AGBL1: variants seen among roughly 807,000 people sequenced by gnomAD.
AGBL1 encodes the protein cytosolic carboxypeptidase 4.
A neutral mutation model predicts 118.9 loss-of-function variants in AGBL1; 130 were observed. The observed-to-expected ratio is 1.09, with a 90% CI of 0.95 to 1.26. The LOEUF is 1.26. Among genes scored for constraint, AGBL1 ranks in the 50% most tolerant of loss-of-function variants. The probability of loss-of-function intolerance (pLI) is 0.00; values close to 1 mark genes in which losing one functional copy is unlikely to be tolerated. For missense variants in AGBL1, 1,584 were observed against 1,298.1 expected (o/e 1.22, Z -3.38); for synonymous variants, 555 against 478.9 (o/e 1.16, Z -2.08).
At position 86,266,456 on chromosome 15, in the gene AGBL1, TGGTA is replaced by T; in HGVS notation, c.1751+5_1751+8del. ...AGTTGTCTTCAGTTTAGATGAGCCT[TGGTA>T]GGTAGTCTCGTGCATCTGAGGAAGG... On this transcript the variant is annotated splice_donor_variant and splice_donor_region_variant and coding_sequence_variant and intron_variant, in exon 12 of 23. Coordinates refer to ENST00000614907, the MANE Select transcript of AGBL1 (RefSeq NM_001386094.1). LOFTEE classifies it high-confidence loss of function. 1.3e-6 allele frequency: 2 copies of T among 1,560,762 alleles called. No homozygotes were observed. Among genetic ancestry groups the T allele is most frequent in the Non-Finnish European group, 1.7e-6 (2 of 1,149,838 alleles).
At chr15:86,472,913 C>T (rs546471908) in intron 18 of AGBL1, among the ~76,000 whole-genome samples, 1 of 152,182 alleles carries the variant, frequency 6.6e-6, no homozygotes, top group South Asian at 2.1e-4. Context: ...AGCAAGATTT[C>T]CATCTCAAAA....
At chr15:87,012,772 A>T (rs1359477189) in intron 24 of AGBL1, among the ~76,000 whole-genome samples, 1 of 152,042 alleles carries the variant, frequency 6.6e-6, no homozygotes, top group African/African-American at 2.4e-5. Context: ...CTAAATAAAA[A>T]GTGAAACCTG....
chr15:86,548,654 C>G (rs554780687), intron 20 of AGBL1, among the ~76,000 whole-genome samples: 3 of 121,962 alleles, frequency 2.5e-5, no homozygotes, highest in Admixed American at 8.0e-5. Context: ...CACACACACA[C>G]ACATGCACGC....
intron 3 of AGBL1, among the ~76,000 whole-genome samples, chr15:86,147,990 G>A (rs2077055105): frequency 6.6e-6 from 1 of 152,192 alleles, no homozygotes. Flanking sequence ...AGGCAAACAA[G>A]GTCTGGAGTG....
intron 18 of AGBL1, among the ~76,000 whole-genome samples, chr15:86,467,114 G>T (rs944518209): frequency 6.6e-6 from 1 of 152,248 alleles, no homozygotes; most frequent in African/African-American, 2.4e-5. Context: ...GGAGGTGGGA[G>T]TTTTGTCTTT....
intron 17 of AGBL1, among the ~76,000 whole-genome samples, chr15:86,372,124 C>G (rs770313172): frequency 6.6e-6 from 1 of 152,242 alleles, no homozygotes; most frequent in Non-Finnish European, 1.5e-5. Context: ...AGGACAGACC[C>G]TTGCCTTCAT....
At chr15:86,895,207 G>C (rs1316836932) in intron 22 of AGBL1, among the ~76,000 whole-genome samples, 1 of 123,962 alleles carries the variant, frequency 8.1e-6, no homozygotes, top group Non-Finnish European at 1.7e-5. Flanking sequence ...TTACTTTTTT[G>C]TTTTTAGATG....
intron 23 of AGBL1, among the ~76,000 whole-genome samples, chr15:86,961,314 A>G (rs1212966314): frequency 1.3e-5 from 2 of 151,540 alleles, no homozygotes; most frequent in Non-Finnish European, 2.9e-5. Flanking sequence ...TTTAGAAAAG[A>G]AAAAAAAAGC....
At chr15:86,947,183 G>T (rs1272867585) in intron 23 of AGBL1, among the ~76,000 whole-genome samples, 2 of 152,162 alleles carry the variant, frequency 1.3e-5, no homozygotes, top group African/African-American at 2.4e-5. Flanking sequence ...AATGAAAGCT[G>T]CCCGGCTCCT....
chr15:86,224,549 C>G lies in AGBL1; in HGVS notation c.489-365C>G, dbSNP rs111626459. On this transcript the variant is annotated intron_variant, in intron 5 of 22. Coordinates refer to ENST00000614907, the MANE Select transcript of AGBL1 (RefSeq NM_001386094.1). ...CCTTCCCAGACCATCCTCCAGAGTC[C>G]CTGCAAGTTTCCAGAAACAAACAAA... Among the ~76,000 whole-genome samples the G allele has an allele frequency of 2.6e-3, 394 of 152,126 alleles. 2 individuals are homozygous for G. The highest frequency in any genetic ancestry group is 9.2e-3 in the African/African-American group (380 of 41,504).
chr15:86,623,993 TA>T (rs2084848729), intron 21 of AGBL1, among the ~76,000 whole-genome samples: 1 of 151,984 alleles, frequency 6.6e-6, no homozygotes, highest in African/African-American at 2.4e-5. Flanking sequence ...AAAGCAAGCA[TA>T]AAAAATAAAA....
chr15:86,192,531 A>G (rs953167882), intron 5 of AGBL1, among the ~76,000 whole-genome samples: 1 of 152,094 alleles, frequency 6.6e-6, no homozygotes, highest in African/African-American at 2.4e-5. Flanking sequence ...CTGGTCATAC[A>G]CTAAAGCTGT....
intron 21 of AGBL1, among the ~76,000 whole-genome samples, chr15:86,571,320 T>C (rs985927292): frequency 6.6e-6 from 1 of 152,140 alleles, no homozygotes; most frequent in African/African-American, 2.4e-5. Context: ...AGCCTCACCA[T>C]TCAGCAGGTC....
intron 17 of AGBL1, among the ~76,000 whole-genome samples, chr15:86,355,439 C>A (rs1354531219): frequency 6.6e-6 from 1 of 152,140 alleles, no homozygotes; most frequent in African/African-American, 2.4e-5. Flanking sequence ...TTTTAAACTT[C>A]TTCCATGATA....
At chr15:86,513,333 A>G (rs527918925) in intron 18 of AGBL1, among the ~76,000 whole-genome samples, 3 of 151,982 alleles carry the variant, frequency 2.0e-5, no homozygotes, top group South Asian at 4.1e-4. Flanking sequence ...ATGTTTCCTC[A>G]TTATTAAATA....
chr15:86,816,087 A>T (rs990151144), intron 22 of AGBL1, among the ~76,000 whole-genome samples: 1 of 152,214 alleles, frequency 6.6e-6, no homozygotes, highest in African/African-American at 2.4e-5. Context: ...GATGGATAAG[A>T]CGTGTCAGTT....
At chr15:86,815,158 A>G (rs1366994317) in intron 22 of AGBL1, among the ~76,000 whole-genome samples, 2 of 152,206 alleles carry the variant, frequency 1.3e-5, no homozygotes, top group African/African-American at 4.8e-5. Flanking sequence ...GAACTGGCTT[A>G]TGCTTTAATC....
intron 18 of AGBL1, among the ~76,000 whole-genome samples, chr15:86,414,962 C>T: frequency 6.6e-6 from 1 of 152,172 alleles, no homozygotes; most frequent in East Asian, 1.9e-4. Flanking sequence ...AAGATGGAGA[C>T]TTGCTGTAGG....
At chr15:86,479,913 G>C (rs113141667) in intron 18 of AGBL1, among the ~76,000 whole-genome samples, 2 of 152,090 alleles carry the variant, frequency 1.3e-5, no homozygotes, top group Non-Finnish European at 2.9e-5. Flanking sequence ...CCATAAAAAA[G>C]GATGAATTCA....
Sources: gnomAD v4.1 joint callset for allele counts (sites outside exome capture counted in the v4.1 genomes callset) on GRCh38, gnomAD v4.1.1 for gene constraint, MANE v1.5 for transcripts, NCBI Gene and HGNC (gene_info 2026-07-23, HGNC 2026-07-21) for gene names.